Variants in INO80 observed in about 807,000 individuals in gnomAD.
The protein encoded by INO80 is INO80 complex ATPase subunit.
Under a neutral mutation model 203.4 loss-of-function variants are expected in INO80, and 20 were observed. The observed-to-expected ratio is 0.10, with a 90% confidence interval of 0.07 to 0.14. The LOEUF (loss-of-function observed/expected upper bound fraction) is 0.14. Ranked by LOEUF, INO80 falls within the 10% of genes least tolerant of loss-of-function variation. INO80 has a pLI of 1.00. For missense variants in INO80, 1,419 were observed against 1,914.4 expected (o/e 0.74, Z 4.83); for synonymous variants, 726 against 685.2 (o/e 1.06, Z -0.93).
chr15:41,002,574 G>C (rs1268806549), intron 28 of INO80, among the ~76,000 whole-genome samples: 3 of 152,268 alleles, frequency 2.0e-5, no homozygotes, highest in Admixed American at 2.0e-4. Context: ...ACATACTACA[G>C]CTCTGGTTGG....
At chr15:41,106,496 T>G (rs148555521) in intron 1 of INO80, among the ~76,000 whole-genome samples, 21 of 151,814 alleles carry the variant, frequency 1.4e-4, no homozygotes, top group African/African-American at 5.1e-4. Context: ...ACTCATATAG[T>G]GGCATACCTG....
At chr15:40,997,663 TAGAG>T (rs909668055) in intron 28 of INO80, 62 bp from the exon 29 acceptor site, 26 of 1,057,800 alleles carry the variant, frequency 2.5e-5, no homozygotes, top group African/African-American at 2.2e-4. Context: ...CATGTATCAA[TAGAG>T]AGAGATCTCT....
In INO80 at chr15:41,047,448, C is replaced by A; in HGVS notation, c.2695G>T (p.Ala899Ser). The part of the protein sequence containing the change: ...SFLRFIDISP[A>S]EMANLMLQGL... ...TGAAGCATAAGGTTTGCCATTTCTG[C>A]TGGAGATATATCAATAAAGCGAAGG... is the stretch of plus-strand genomic sequence containing the variant. Residue 899 changes from alanine (A) to serine (S), a missense_variant, in exon 23 of 36, where the codon GCA (alanine) becomes TCA (serine). Coordinates refer to ENST00000648947, the MANE Select transcript of INO80 (RefSeq NM_017553.3). 6.2e-7 allele frequency: 1 copy of A among 1,613,508 alleles called. No homozygotes were observed. Among genetic ancestry groups the A allele is most frequent in the East Asian group, 2.2e-5 (1 of 44,868 alleles).
intron 25 of INO80, among the ~76,000 whole-genome samples, 168 bp downstream of exon 25, chr15:41,027,428 T>C (rs1197887298): frequency 6.6e-6 from 1 of 152,248 alleles, no homozygotes; most frequent in East Asian, 1.9e-4. Flanking sequence ...AAGTGTTGTC[T>C]GGGGCAGGCC....
intron 4 of INO80, among the ~76,000 whole-genome samples, chr15:41,095,332 A>G (rs903264270): frequency 2.3e-4 from 35 of 152,184 alleles, no homozygotes; most frequent in African/African-American, 8.4e-4. Flanking sequence ...CAAGAGCAAA[A>G]TGTTGTCTCA....
chr15:41,115,208 G>A (rs2046013031), intron 1 of INO80, among the ~76,000 whole-genome samples: 1 of 152,148 alleles, frequency 6.6e-6, no homozygotes, highest in Admixed American at 6.6e-5. Flanking sequence ...GACAGTGTGT[G>A]AATCAAAGAA....
chr15:40,986,316 CTTTTTTTTTTTTTTT>C (rs551165963), intron 31 of INO80, among the ~76,000 whole-genome samples: 1 of 90,674 alleles, frequency 1.1e-5, no homozygotes. Context: ...CTCCACAATG[CTTTTTTTTTTTTTTT>C]TTTTTTTTTT....
Position 41,087,581 on chromosome 15 carries a change from C to T in INO80, c.639G>A (p.Lys213=), listed in dbSNP as rs756649141. Residue 213 remains lysine (K), a synonymous_variant, in exon 6 of 36, where the codon AAG becomes AAA. Coordinates refer to ENST00000648947, the MANE Select transcript of INO80 (RefSeq NM_017553.3). ...HLLGPKKKKF[K]EEKKLKAKLK... ...GCTCACCTTTAAGTTTCTTTTCCTCCTTAAATTTCTTTTTCTTGGGTCCAA... is the reference window on the plus strand; with the variant it reads ...GCTCACCTTTAAGTTTCTTTTCCTCTTTAAATTTCTTTTTCTTGGGTCCAA... The T allele has an allele frequency of 2.5e-6, 4 of 1,613,658 alleles. No individual in the cohort carries two copies. The highest frequency in any genetic ancestry group is 2.2e-5 in the East Asian group (1 of 44,860).
intron 1 of INO80, among the ~76,000 whole-genome samples, chr15:41,114,846 T>C (rs2046006612): frequency 6.6e-6 from 1 of 151,368 alleles, no homozygotes; most frequent in South Asian, 2.1e-4. Flanking sequence ...AGGCAAAAAA[T>C]ATATTAATAG....
chr15:40,990,573 A>G (rs1175904580), intron 29 of INO80, among the ~76,000 whole-genome samples: 9 of 152,216 alleles, frequency 5.9e-5, no homozygotes, highest in Non-Finnish European at 1.3e-4. Flanking sequence ...CCTTGGGAAG[A>G]ACAATGTAAA....
chr15:41,115,405 A>G (rs896580193), intron 1 of INO80, among the ~76,000 whole-genome samples: 1 of 152,218 alleles, frequency 6.6e-6, no homozygotes, highest in Non-Finnish European at 1.5e-5. Flanking sequence ...AAAAACCAGA[A>G]GAGGTGTCAT....
chr15:40,998,983 TACACACACACACACACACAC>T lies in INO80; in HGVS notation c.3498-1402_3498-1383del, dbSNP rs10650860. Among the ~76,000 whole-genome samples the T allele has an allele frequency of 5.1e-4, 71 of 140,438 alleles. 2 individuals carry two copies. Among genetic ancestry groups the T allele is most frequent in the African/African-American group, 1.5e-3 (57 of 36,952 alleles). 92.1% of individuals were successfully genotyped at this position (140,438 alleles called of 152,430 possible). ...CAGGCTTTTGACTCTAAGATTTATCTACACACACACACACACACACACACACACACACACACAAATAAGGG... is the reference window on the plus strand; with the variant it reads ...CAGGCTTTTGACTCTAAGATTTATCTACACACACACACACACAAATAAGGG... On this transcript the variant is annotated intron_variant, in intron 28 of 35. Transcript: ENST00000648947.
At chr15:41,079,392 A>G (rs767571966) in intron 9 of INO80, among the ~76,000 whole-genome samples, 1 of 152,046 alleles carries the variant, frequency 6.6e-6, no homozygotes, top group Non-Finnish European at 1.5e-5. Context: ...AAAAGAGAAA[A>G]AGGCCTGAGG....
intron 14 of INO80, among the ~76,000 whole-genome samples, chr15:41,066,928 A>G (rs1334472058): frequency 6.6e-6 from 1 of 152,128 alleles, no homozygotes; most frequent in African/African-American, 2.4e-5. Flanking sequence ...AGAAAGTTCA[A>G]CATGCAAATG....
At chr15:41,018,128 A>G (rs1267535625) in intron 26 of INO80, 2 of 150,094 alleles carry the variant, frequency 1.3e-5, no homozygotes, top group Non-Finnish European at 3.0e-5. Flanking sequence ...CACAAGGTGA[A>G]AAAAAAAAAG....
At chr15:41,044,832 A>G (rs1054624598) in intron 24 of INO80, 72 bp downstream of exon 24, 1 of 1,448,572 alleles carries the variant, frequency 6.9e-7, no homozygotes, top group Non-Finnish European at 9.3e-7. Flanking sequence ...TTACTTTACT[A>G]TTATTTTTAC....
chr15:40,986,361 G>A (rs1264111469), intron 31 of INO80, among the ~76,000 whole-genome samples: 2 of 69,908 alleles, frequency 2.9e-5, no homozygotes, highest in South Asian at 4.2e-4. Context: ...TCTTGCTCTT[G>A]TTGTCCAGGC....
intron 24 of INO80, among the ~76,000 whole-genome samples, chr15:41,034,126 C>T (rs1351895756): frequency 6.6e-6 from 1 of 152,148 alleles, no homozygotes; most frequent in Non-Finnish European, 1.5e-5. Flanking sequence ...CGATCTGTGT[C>T]CTTAGCCTAG....
At chr15:41,086,038 T>C (rs1329368801) in intron 6 of INO80, among the ~76,000 whole-genome samples, 1 of 151,926 alleles carries the variant, frequency 6.6e-6, no homozygotes, top group African/African-American at 2.4e-5. Context: ...TTGAACCTAA[T>C]AGGTAAGGAT....
Sources: gnomAD v4.1 joint callset for allele counts (sites outside exome capture counted in the v4.1 genomes callset) on GRCh38, gnomAD v4.1.1 for gene constraint, MANE v1.5 for transcripts, NCBI Gene and HGNC (gene_info 2026-07-23, HGNC 2026-07-21) for gene names.